KSR2: variants seen among roughly 807,000 people sequenced by gnomAD.
The protein encoded by KSR2 is kinase suppressor of ras 2.
KSR2 carries 25 observed loss-of-function variants against 107.8 expected under a neutral mutation model. The observed-to-expected ratio is 0.23, with a 90% CI of 0.17 to 0.32. KSR2 has a LOEUF of 0.32. KSR2 is among the 10% of genes least tolerant of loss of function. KSR2 has a pLI of 1.00. For missense variants in KSR2, 887 were observed against 1,268.9 expected, an observed-to-expected ratio of 0.70 and a Z score of 4.57; for synonymous variants, 480 against 507.0, an observed-to-expected ratio of 0.95 and a Z score of 0.71.
chr12:117,968,209 C>G lies in KSR2; in HGVS notation c.47G>C (p.Ser16Thr), dbSNP rs534831767. ...GCACTGCTGTAAGGCTTTTTGCAAA[C>G]TCAGAGGCTGCTGCTCCTCGCTTTT... ...MTKSEEQQPL[S>T]LQKALQQCEL... The change falls in exon 1 of 20, where the codon AGT becomes ACT. Residue 16 changes from serine to threonine, a missense_variant. Transcript: ENST00000339824. The G allele has an allele frequency of 6.2e-7, 1 of 1,606,322 alleles. No individual in the cohort carries two copies. Among genetic ancestry groups the G allele is most frequent in the South Asian group, 1.1e-5 (1 of 89,800 alleles).
chr12:117,723,085 G>C (rs1326952975), intron 4 of KSR2, among the ~76,000 whole-genome samples: 1 of 152,116 alleles, frequency 6.6e-6, no homozygotes, highest in Admixed American at 6.5e-5. Context: ...CAGTGGCAGG[G>C]GAGGTTATCA....
rs901476771 is a variant in KSR2 at position 117,820,314 on chromosome 12, G to A, written c.472+35114C>T. Among the ~76,000 whole-genome samples, 8 of 152,056 alleles carry A rather than the reference G, an allele frequency of 5.3e-5. No individual in the cohort carries two copies. The East Asian group carries it at 5.8e-4, about 11-fold the overall frequency. Reference sequence around the variant, plus strand: ...GGCACTGAGGTTATTGACAGGAGGCGGGGGATGTTCTGCCTAACGCAGATG... The same window carrying A: ...GGCACTGAGGTTATTGACAGGAGGCAGGGGATGTTCTGCCTAACGCAGATG... On this transcript the variant is annotated intron_variant, in intron 3 of 19. Transcript: ENST00000339824.
At chr12:117,875,164 C>A (rs1007991769) in intron 1 of KSR2, among the ~76,000 whole-genome samples, 2 of 152,062 alleles carry the variant, frequency 1.3e-5, no homozygotes, top group Non-Finnish European at 2.9e-5. Flanking sequence ...CAAAAAAAAT[C>A]AAAAAGTCAA....
chr12:117,866,736 C>G (rs566960728), intron 1 of KSR2, among the ~76,000 whole-genome samples: 1 of 151,666 alleles, frequency 6.6e-6, no homozygotes, highest in Non-Finnish European at 1.5e-5. Flanking sequence ...GGCTGAGGCA[C>G]GAGAATCGCT....
At chr12:117,607,232 C>T (rs1038600436) in intron 5 of KSR2, among the ~76,000 whole-genome samples, 1 of 152,172 alleles carries the variant, frequency 6.6e-6, no homozygotes, top group African/African-American at 2.4e-5. Flanking sequence ...TAAGGTAGGG[C>T]AAGGCTAGTT....
intron 1 of KSR2, among the ~76,000 whole-genome samples, chr12:117,905,484 G>A (rs928659356): frequency 2.6e-5 from 4 of 152,110 alleles, no homozygotes; most frequent in Non-Finnish European, 5.9e-5. Flanking sequence ...ACCACATTCT[G>A]GGACACCTTC....
chr12:117,458,481 C>T lies in KSR2; in HGVS notation c.*8718G>A, dbSNP rs550563788. ...TTAGACTTTCAAATTTAAGAAGGCGCGATGCAAATAGCATGTTGGCATAAA... is the reference window on the plus strand; with the variant it reads ...TTAGACTTTCAAATTTAAGAAGGCGTGATGCAAATAGCATGTTGGCATAAA... On this transcript the variant is annotated 3_prime_UTR_variant, in exon 20 of 20. Transcript: ENST00000339824. The T allele has an allele frequency of 3.9e-5, 6 of 151,976 alleles. No homozygotes were observed. Among genetic ancestry groups the T allele is most frequent in the South Asian group, 2.1e-4 (1 of 4,802 alleles). 9.4% of individuals were successfully genotyped at this position (151,976 alleles called of 1,614,324 possible). A position where few individuals can be genotyped will look rare whatever the true frequency, so the allele number is the denominator to read the frequency against.
chr12:117,507,397 T>C (rs2137189861), intron 14 of KSR2, among the ~76,000 whole-genome samples: 1 of 152,350 alleles, frequency 6.6e-6, no homozygotes, highest in Non-Finnish European at 1.5e-5. Context: ...GTCCTGATTT[T>C]GAGACTTGAC....
At chr12:117,668,319 C>T (rs1884753417) in intron 4 of KSR2, among the ~76,000 whole-genome samples, 1 of 152,214 alleles carries the variant, frequency 6.6e-6, no homozygotes, top group African/African-American at 2.4e-5. Flanking sequence ...ACGGCTCTGT[C>T]TAGCTCTTGG....
chr12:117,922,791 T>C (rs1232142913), intron 1 of KSR2, among the ~76,000 whole-genome samples: 2 of 152,210 alleles, frequency 1.3e-5, no homozygotes, highest in African/African-American at 4.8e-5. Flanking sequence ...GAGCTCACAA[T>C]TGAGTGGAGA....
rs191018886 is a variant in KSR2, at chr12:117,589,573, T to G, written c.1172-7214A>C. 7.7e-4 allele frequency among the ~76,000 whole-genome samples: 117 copies of G among 152,304 alleles called. 2 individuals carry two copies. Among genetic ancestry groups the G allele is most frequent in the Middle Eastern group, 3.4e-3 (1 of 294 alleles). On this transcript the variant is annotated intron_variant, in intron 5 of 19. Coordinates refer to ENST00000339824, the MANE Select transcript of KSR2 (RefSeq NM_173598.6). ...AATCAACTAGCAAATTCATTGGGCCTAAAGGTAACTGAAACTAATAAAACT... is the reference window on the plus strand; with the variant it reads ...AATCAACTAGCAAATTCATTGGGCCGAAAGGTAACTGAAACTAATAAAACT...
Position 117,453,635 on chromosome 12 carries a change from G to T in KSR2, c.*13564C>A, listed in dbSNP as rs1870444839. On this transcript the variant is annotated 3_prime_UTR_variant, in exon 20 of 20. Coordinates refer to ENST00000339824, the MANE Select transcript of KSR2 (RefSeq NM_173598.6). The stretch of plus-strand genomic sequence containing the variant: ...TTTACAATTGAGGAATTTTCCTAAG[G>T]TCAGTAACTTCAAGAGTAATCAATC... The T allele has an allele frequency of 6.6e-6, 1 of 152,102 alleles. No individual in the cohort carries two copies. The highest frequency in any genetic ancestry group is 1.5e-5 in the Non-Finnish European group (1 of 68,030). 9.4% of individuals were successfully genotyped at this position (152,102 alleles called of 1,614,324 possible).
intron 1 of KSR2, among the ~76,000 whole-genome samples, chr12:117,947,261 AT>A (rs1158170121): frequency 1.6e-5 from 1 of 63,694 alleles, no homozygotes; most frequent in Non-Finnish European, 3.4e-5. Context: ...AAGAAAGAAG[AT>A]AAACCACATG....
intron 14 of KSR2, among the ~76,000 whole-genome samples, chr12:117,497,747 C>G (rs1873126163): frequency 6.6e-6 from 1 of 152,220 alleles, no homozygotes; most frequent in Non-Finnish European, 1.5e-5. Context: ...TTGGAACTCA[C>G]AGTGCTTTGT....
chr12:117,582,531 C>T (rs191536184), intron 5 of KSR2, among the ~76,000 whole-genome samples, 172 bp from the exon 6 acceptor site: 1,937 of 152,278 alleles, frequency 0.013, 21 homozygotes, highest in Admixed American at 0.026. Context: ...CCTCAACTGA[C>T]GCAAGGGCCC....
rs754295296 is a variant in KSR2 at position 117,524,911 on chromosome 12, C to G, written c.2160G>C (p.Glu720Asp). The G allele has an allele frequency of 2.5e-6, 4 of 1,613,886 alleles. No individual in the cohort carries two copies. Among genetic ancestry groups the G allele is most frequent in the Non-Finnish European group, 2.5e-6 (3 of 1,179,860 alleles). The change falls in exon 14 of 20, where the codon GAG becomes GAC. Residue 720 changes from glutamate to aspartate, a missense_variant. Transcript: ENST00000339824. ...AGGCACCCATGAAAAGCACCACGTT[C>G]TCATGCCGTGTCTGCCTGTAGGCCA... is the stretch of plus-strand genomic sequence containing the variant. ...EVMAYRQTRH[E>D]NVVLFMGACM...
At chr12:117,484,321 C>T in intron 16 of KSR2, 95 bp downstream of exon 16, 1 of 1,424,960 alleles carries the variant, frequency 7.0e-7, no homozygotes, top group Non-Finnish European at 9.6e-7. Flanking sequence ...CAGGACCAAC[C>T]CTGAGTCTAG....
At chr12:117,641,501 C>T (rs1883355896) in intron 5 of KSR2, among the ~76,000 whole-genome samples, 1 of 152,194 alleles carries the variant, frequency 6.6e-6, no homozygotes, top group South Asian at 2.1e-4. Context: ...ATCCCAATCT[C>T]TGCCTTTGTT....
At chr12:117,866,352 A>G (rs1280809578) in intron 1 of KSR2, among the ~76,000 whole-genome samples, 1 of 152,094 alleles carries the variant, frequency 6.6e-6, no homozygotes, top group Admixed American at 6.6e-5. Flanking sequence ...TGCTCTCTTT[A>G]TAACGGAGCA....
Sources: gnomAD v4.1 joint callset for allele counts (sites outside exome capture counted in the v4.1 genomes callset) on GRCh38, gnomAD v4.1.1 for gene constraint, MANE v1.5 for transcripts, NCBI Gene and HGNC (gene_info 2026-07-23, HGNC 2026-07-21) for gene names.